SAMSN1: variants seen among roughly 807,000 people sequenced by gnomAD.
SAMSN1 encodes SAM domain-containing protein SAMSN-1.
SAMSN1 carries 31 observed loss-of-function variants against 42.0 expected under a neutral mutation model. That is an observed-to-expected ratio of 0.74 (90% CI 0.55 to 1.00). The LOEUF (loss-of-function observed/expected upper bound fraction) is 1.00, where lower values mean the gene tolerates loss of function less well. Ranked by LOEUF, SAMSN1 falls within the 50% of genes least tolerant of loss-of-function variation. SAMSN1 has a pLI of 0.00. For synonymous variants in SAMSN1, 178 were observed against 151.9 expected, an observed-to-expected ratio of 1.17 and a Z score of -1.26; for missense variants, 464 against 439.4, an observed-to-expected ratio of 1.06 and a Z score of -0.50.
chr21:14,505,386 G>A (rs1380298202), intron 5 of SAMSN1, among the ~76,000 whole-genome samples: 17 of 152,028 alleles, frequency 1.1e-4, no homozygotes, highest in Non-Finnish European at 2.9e-5. Flanking sequence ...ACAAACTTAA[G>A]GTACAGGGGT....
Position 14,500,579 on chromosome 21 carries a change from T to C in SAMSN1, c.718A>G (p.Ser240Gly). ...TCCTGCAGAGTCTTGGATTTTTTGCTGTTACTCCTTCGGTTTGCCTTTATT... is the reference window on the plus strand; with the variant it reads ...TCCTGCAGAGTCTTGGATTTTTTGCCGTTACTCCTTCGGTTTGCCTTTATT... ...KKIKANRRSN[S>G]KKSKTLQEFL... The change falls in exon 6 of 8, where the codon AGC becomes GGC. Residue 240 changes from serine (S) to glycine (G), a missense_variant. Coordinates refer to ENST00000400566, the MANE Select transcript of SAMSN1 (RefSeq NM_022136.5). 3 of 1,614,180 alleles carry C rather than the reference T, an allele frequency of 1.9e-6. No homozygotes were observed. The highest frequency in any genetic ancestry group is 2.5e-6 in the Non-Finnish European group (3 of 1,180,018).
chr21:14,602,702 C>T (rs893004964), intron 5 of SAMSN1, among the ~76,000 whole-genome samples: 5 of 152,196 alleles, frequency 3.3e-5, no homozygotes, highest in Non-Finnish European at 5.9e-5. Flanking sequence ...GAGGACAAGA[C>T]TTTATGGGTC....
chr21:14,593,875 C>CT lies in SAMSN1; in HGVS notation c.465+137dup, dbSNP rs1982168164. ...GTAAGGACAAGCCTCTATTTATGTT[C>CT]TTTAGAAACACTTCCATGTGGCAGC... On this transcript the variant is annotated intron_variant, in intron 7 of 15. Coordinates refer to the SAMSN1 transcript ENST00000647101. The CT allele has an allele frequency of 1.1e-5, 6 of 549,680 alleles. No homozygotes were observed. The East Asian group carries it at 1.7e-4, about 16-fold the overall frequency. 34.1% of individuals were successfully genotyped at this position (549,680 alleles called of 1,614,324 possible).
chr21:14,606,323 T>G (rs1982571158), intron 5 of SAMSN1, among the ~76,000 whole-genome samples: 1 of 152,234 alleles, frequency 6.6e-6, no homozygotes, highest in South Asian at 2.1e-4. Context: ...GAAAAATTTC[T>G]GAATCTCCAA....
At chr21:14,573,732 G>A (rs1981376296) in intron 2 of SAMSN1, among the ~76,000 whole-genome samples, 2 of 152,092 alleles carry the variant, frequency 1.3e-5, no homozygotes, top group African/African-American at 4.8e-5. Context: ...AAGACAGCAA[G>A]GATCTTAAAA....
chr21:14,610,206 C>A (rs969001936), intron 4 of SAMSN1, among the ~76,000 whole-genome samples: 49 of 152,168 alleles, frequency 3.2e-4, no homozygotes, highest in African/African-American at 1.2e-3. Context: ...GAATTCTTTC[C>A]CCAGTAAGGA....
chr21:14,537,050 C>A (rs902840604), intron 1 of SAMSN1, among the ~76,000 whole-genome samples: 2 of 152,186 alleles, frequency 1.3e-5, no homozygotes, highest in African/African-American at 4.8e-5. Flanking sequence ...CAAAATAAAC[C>A]CACTAAACTG....
rs376866016 is a variant in SAMSN1, at chr21:14,512,437, G to A, written c.409+7C>T. The A allele has an allele frequency of 3.3e-4, 525 of 1,612,922 alleles. 3 individuals are homozygous for A. The African/African-American group carries it at 5.7e-3, about 18-fold the overall frequency. On this transcript the variant is annotated splice_region_variant and intron_variant, in intron 4 of 7. Coordinates refer to ENST00000400566, the MANE Select transcript of SAMSN1 (RefSeq NM_022136.5). ...CCAGGATCTTGTCCCTGATTCATTA[G>A]CCTTACTTGATGAGCTCTGTCCACT...
At chr21:14,541,918 A>C (rs188304961) in intron 1 of SAMSN1, among the ~76,000 whole-genome samples, 103 of 151,556 alleles carry the variant, frequency 6.8e-4, no homozygotes, top group African/African-American at 2.4e-3. Context: ...ACATAAGCTC[A>C]GGCATGCTGA....
intron 1 of SAMSN1, among the ~76,000 whole-genome samples, chr21:14,582,671 T>C (rs2123248679): frequency 6.6e-6 from 1 of 152,312 alleles, no homozygotes; most frequent in South Asian, 2.1e-4. Context: ...ATATAAAATT[T>C]TTTGTTTTGT....
intron 1 of SAMSN1, among the ~76,000 whole-genome samples, chr21:14,522,258 C>T (rs1013295751): frequency 3.3e-5 from 5 of 152,060 alleles, no homozygotes; most frequent in African/African-American, 1.2e-4. Context: ...TAAATGAATC[C>T]CTTAAACATA....
chr21:14,612,452 A>G, intron 4 of SAMSN1: 1 of 277,086 alleles, frequency 3.6e-6, no homozygotes, highest in East Asian at 8.6e-5. Flanking sequence ...CACAGAAACT[A>G]AAGAGAAGAT....
intron 2 of SAMSN1, among the ~76,000 whole-genome samples, chr21:14,618,170 A>T (rs888049010): frequency 2.0e-5 from 3 of 152,332 alleles, no homozygotes; most frequent in Admixed American, 6.5e-5. Flanking sequence ...CCTCATGATG[A>T]ATCAGTTTAG....
At chr21:14,510,904 G>T (rs998992646) in intron 4 of SAMSN1, among the ~76,000 whole-genome samples, 2 of 152,242 alleles carry the variant, frequency 1.3e-5, no homozygotes, top group Non-Finnish European at 2.9e-5. Context: ...GAAGGAGAAA[G>T]TGTGTCTGAA....
chr21:14,553,798 C>A (rs1321164832), intron 2 of SAMSN1, among the ~76,000 whole-genome samples: 1 of 152,022 alleles, frequency 6.6e-6, no homozygotes, highest in Non-Finnish European at 1.5e-5. Context: ...TTGTGTATGG[C>A]CTGTTTTTTC....
chr21:14,575,567 C>A (rs371195839), intron 2 of SAMSN1, among the ~76,000 whole-genome samples: 2 of 152,278 alleles, frequency 1.3e-5, no homozygotes, highest in African/African-American at 4.8e-5. Context: ...GCTGTTCCAA[C>A]AACTGATTTT....
intron 2 of SAMSN1, among the ~76,000 whole-genome samples, chr21:14,634,824 G>A (rs144416086): frequency 1.1e-4 from 16 of 152,116 alleles, no homozygotes; most frequent in African/African-American, 2.6e-4. Flanking sequence ...CATATATCCC[G>A]TTACTGGGTA....
chr21:14,623,766 C>A (rs567192291), intron 2 of SAMSN1, among the ~76,000 whole-genome samples: 1 of 152,234 alleles, frequency 6.6e-6, no homozygotes, highest in South Asian at 2.1e-4. Flanking sequence ...CAGCTCTGCA[C>A]CAAGCGGGCC....
At chr21:14,628,612 C>T (rs568877176) in intron 2 of SAMSN1, among the ~76,000 whole-genome samples, 2 of 152,202 alleles carry the variant, frequency 1.3e-5, no homozygotes, top group African/African-American at 4.8e-5. Context: ...TGCCTTCCTC[C>T]ATACCTGATT....
Sources: gnomAD v4.1 joint callset for allele counts (sites outside exome capture counted in the v4.1 genomes callset) on GRCh38, gnomAD v4.1.1 for gene constraint, MANE v1.5 for transcripts, NCBI Gene and HGNC (gene_info 2026-07-23, HGNC 2026-07-21) for gene names.